Variants in FBRSL1 observed in about 807,000 individuals in gnomAD.
FBRSL1 encodes fibrosin like 1.
FBRSL1 carries 51 observed loss-of-function variants against 89.6 expected under a neutral mutation model. The observed-to-expected ratio is 0.57, with a 90% CI of 0.45 to 0.72. FBRSL1 has a LOEUF of 0.72. Among genes scored for constraint, FBRSL1 ranks in the 30% least tolerant of loss-of-function variants. The pLI is 0.00. For synonymous variants in FBRSL1, 779 were observed against 681.1 expected, an observed-to-expected ratio of 1.14 and a Z score of -2.24; for missense variants, 1,618 against 1,451.8, an observed-to-expected ratio of 1.11 and a Z score of -1.86.
At chr12:132,575,756 G>A (rs1385980667) in intron 14 of FBRSL1, among the ~76,000 whole-genome samples, 1 of 152,274 alleles carries the variant, frequency 6.6e-6, no homozygotes, top group Non-Finnish European at 1.5e-5. Flanking sequence ...CAGCCCTCAC[G>A]CCTGCCCCCA....
chr12:132,513,649 C>T (rs1452109003), intron 2 of FBRSL1, among the ~76,000 whole-genome samples: 1 of 152,158 alleles, frequency 6.6e-6, no homozygotes, highest in African/African-American at 2.4e-5. Context: ...CGTGAGCCTT[C>T]TGGGAGAGGC....
chr12:132,540,886 T>C (rs530825731), intron 4 of FBRSL1, among the ~76,000 whole-genome samples: 4 of 152,328 alleles, frequency 2.6e-5, no homozygotes, highest in East Asian at 1.9e-4. Flanking sequence ...TGAGTAGCCA[T>C]ACAGCTGAAG....
intron 1 of FBRSL1, among the ~76,000 whole-genome samples, chr12:132,496,096 C>T (rs1210736214): frequency 2.0e-5 from 3 of 152,258 alleles, no homozygotes; most frequent in Non-Finnish European, 2.9e-5. Context: ...CCTGCACCTC[C>T]GCACGTGCTG....
In FBRSL1 at chr12:132,567,576, G is replaced by A. The variant is rs370253220; in HGVS notation, c.691+50G>A. 852 of 1,523,378 alleles carry A rather than the reference G, an allele frequency of 5.6e-4. 3 individuals carry two copies. Among genetic ancestry groups the A allele is most frequent in the Non-Finnish European group, 5.0e-4 (564 of 1,122,398 alleles). The allele number at this position is 1,523,378 out of a possible 1,614,324, so 94.4% of individuals were successfully genotyped here. A position where few individuals can be genotyped will look rare whatever the true frequency, so the allele number is the denominator to read the frequency against. On this transcript the variant is annotated intron_variant, in intron 6 of 18. Transcript: ENST00000680143. The stretch of plus-strand genomic sequence containing the variant: ...TCCTGGGCCTCTGAAGAGACACAAT[G>A]CGCCCTGCGTCTTGGCGGCAGGACA...
rs571727678 is a variant in FBRSL1 at position 132,546,234 on chromosome 12, T to C, written c.616-1769T>C. ...CTCACCAAACACCAAGGCCCGCCCA[T>C]ATCACAGCAGGGGAGATGGAGGACT... On this transcript the variant is annotated intron_variant, in intron 4 of 18. Transcript: ENST00000680143. The surrounding 1 kb of genome is among the most constrained non-coding windows in gnomAD (Gnocchi z 4.0). 4.1e-4 allele frequency among the ~76,000 whole-genome samples: 62 copies of C among 152,354 alleles called. No individual in the cohort carries two copies. Among genetic ancestry groups the C allele is most frequent in the African/African-American group, 1.3e-3 (56 of 41,582 alleles).
intron 15 of FBRSL1, among the ~76,000 whole-genome samples, chr12:132,577,860 C>T (rs904655019): frequency 2.6e-5 from 4 of 152,242 alleles, no homozygotes; most frequent in Non-Finnish European, 5.9e-5. Context: ...CAGACCTTTC[C>T]AAAGATGGTG....
In FBRSL1 at chr12:132,516,865, C is replaced by T. The variant is rs139685560; in HGVS notation, c.489+8515C>T. ...GGCCTCAGTTTTCCTGTCTGTAAAA[C>T]GGGGATGTTACTAAATAGTTCATTT... is the stretch of plus-strand genomic sequence containing the variant. On this transcript the variant is annotated intron_variant, in intron 2 of 18. Transcript: ENST00000680143. Among the ~76,000 whole-genome samples, 688 of 152,286 alleles carry T rather than the reference C, an allele frequency of 4.5e-3. 10 individuals carry two copies. Among genetic ancestry groups the T allele is most frequent in the African/African-American group, 0.015 (618 of 41,548 alleles).
intron 5 of FBRSL1, among the ~76,000 whole-genome samples, chr12:132,567,050 G>A (rs1180550483): frequency 1.3e-5 from 2 of 152,220 alleles, no homozygotes; most frequent in African/African-American, 4.8e-5. Context: ...GGGAGCAGGA[G>A]GTGTGTCCCG....
At chr12:132,559,130 C>T (rs919825900) in intron 5 of FBRSL1, among the ~76,000 whole-genome samples, 1 of 152,208 alleles carries the variant, frequency 6.6e-6, no homozygotes, top group African/African-American at 2.4e-5. Context: ...GTTCTAGCGC[C>T]CCACCGTAAG....
intron 4 of FBRSL1, among the ~76,000 whole-genome samples, chr12:132,542,479 C>T (rs2037349960): frequency 6.6e-6 from 1 of 152,224 alleles, no homozygotes; most frequent in African/African-American, 2.4e-5. Context: ...GGGGTCAGGG[C>T]CCCCTGCCCC....
At position 132,585,054 on chromosome 12, in the gene FBRSL1, G is replaced by A. The variant is rs544381802; in HGVS notation, c.*1276G>A. ...GTCCCTGCCGGGATTCCCAGCCTTCGGGGTCAGCCGTCGAGCCACTTGCTT... is the reference window on the plus strand; with the variant it reads ...GTCCCTGCCGGGATTCCCAGCCTTCAGGGTCAGCCGTCGAGCCACTTGCTT... On this transcript the variant is annotated 3_prime_UTR_variant, in exon 19 of 19. Coordinates refer to ENST00000680143, the MANE Select transcript of FBRSL1 (RefSeq NM_001367871.1). The A allele has an allele frequency of 6.6e-6, 1 of 151,964 alleles. No individual in the cohort carries two copies. The highest frequency in any genetic ancestry group is 2.4e-5 in the African/African-American group (1 of 41,348). 9.4% of individuals were successfully genotyped at this position (151,964 alleles called of 1,614,324 possible).
At position 132,490,616 on chromosome 12, in the gene FBRSL1, G is replaced by T; in HGVS notation, c.46G>T (p.Asp16Tyr). 2.0e-6 allele frequency: 2 copies of T among 983,486 alleles called. No individual in the cohort carries two copies. The highest frequency in any genetic ancestry group is 9.0e-5 in the South Asian group (2 of 22,118). The allele number at this position is 983,486 out of a possible 1,614,324, so 60.9% of individuals were successfully genotyped here. A position where few individuals can be genotyped will look rare whatever the true frequency, so the allele number is the denominator to read the frequency against. Residue 16 changes from aspartate to tyrosine, a missense_variant, in exon 1 of 19, where the codon GAC (aspartate) becomes TAC (tyrosine). Coordinates refer to ENST00000680143, the MANE Select transcript of FBRSL1 (RefSeq NM_001367871.1). ...GAGCCGGCGCTCGCGCGCGCAGCGG[G>T]ACCGTGGCCGGCGCCGGGAGGCCGC... ...RPSRRSRAQRDRGRRREAARD... is the reference protein window; with the variant it reads ...RPSRRSRAQRYRGRRREAARD...
At chr12:132,509,379 C>T in intron 2 of FBRSL1, 21 of 1,243,348 alleles carry the variant, frequency 1.7e-5, no homozygotes, top group Non-Finnish European at 2.1e-5. Flanking sequence ...ACTTCTGGGC[C>T]TGAAACAGCC....
At chr12:132,500,252 G>A (rs964325964) in intron 1 of FBRSL1, among the ~76,000 whole-genome samples, 4 of 152,144 alleles carry the variant, frequency 2.6e-5, no homozygotes, top group East Asian at 1.9e-4. Context: ...CCTGGCTGGC[G>A]GCTTTAGGGA....
intron 12 of FBRSL1, 76 bp from the exon 13 acceptor site, chr12:132,574,243 G>A (rs1166443034): frequency 5.0e-5 from 72 of 1,449,224 alleles, no homozygotes; most frequent in Admixed American, 8.3e-5. Context: ...CACAGCAGAC[G>A]GGCTGTGTCC....
rs936589449 is a variant in FBRSL1 at position 132,583,643 on chromosome 12, C to G, written c.2874C>G (p.Pro958=). 4.5e-5 allele frequency: 46 copies of G among 1,014,878 alleles called. No individual in the cohort carries two copies. The highest frequency in any genetic ancestry group is 3.5e-4 in the East Asian group (4 of 11,522). The allele number at this position is 1,014,878 out of a possible 1,614,324, so 62.9% of individuals were successfully genotyped here. A position where few individuals can be genotyped will look rare whatever the true frequency, so the allele number is the denominator to read the frequency against. The change falls in exon 19 of 19, where the codon CCC becomes CCG. Residue 958 remains proline (P), a synonymous_variant. Coordinates refer to ENST00000680143, the MANE Select transcript of FBRSL1 (RefSeq NM_001367871.1). ...PAAAALGAPP[P]LVTAAGPPTP... ...CCGCCGCCCTCGGCGCACCGCCCCC[C>G]CTGGTGACGGCGGCCGGGCCCCCCA...
At chr12:132,525,496 T>C (rs2035716046) in intron 2 of FBRSL1, among the ~76,000 whole-genome samples, 1 of 152,172 alleles carries the variant, frequency 6.6e-6, no homozygotes, top group Non-Finnish European at 1.5e-5. Flanking sequence ...GTGTGTGCGC[T>C]GTCAGCTGGG....
Position 132,570,128 on chromosome 12 carries a change from C to A in FBRSL1, c.894C>A (p.Thr298=). The A allele has an allele frequency of 6.8e-7, 1 of 1,478,168 alleles. No individual in the cohort carries two copies. Among genetic ancestry groups the A allele is most frequent in the Non-Finnish European group, 8.9e-7 (1 of 1,123,448 alleles). 91.6% of individuals were successfully genotyped at this position (1,478,168 alleles called of 1,614,324 possible). The change falls in exon 7 of 19, where the codon ACC becomes ACA. Residue 298 remains threonine, a synonymous_variant. Coordinates refer to ENST00000680143, the MANE Select transcript of FBRSL1 (RefSeq NM_001367871.1). ...AACCCCCCGCCCCGCACCGCCACAC[C>A]CCGCAGCCGCCACCCCCGCAGCCCC... is the stretch of plus-strand genomic sequence containing the variant. ...KKEPPAPHRH[T]PQPPPPQPRG... is the part of the protein sequence containing the mutation.
At chr12:132,581,333 G>A (rs2040733348) in intron 15 of FBRSL1, 106 bp from the exon 16 acceptor site, 7 of 1,543,362 alleles carry the variant, frequency 4.5e-6, no homozygotes, top group African/African-American at 1.4e-5. Context: ...AGAATGGGAG[G>A]TGAAGGTTCA....
Sources: gnomAD v4.1 joint callset for allele counts (sites outside exome capture counted in the v4.1 genomes callset) on GRCh38, gnomAD v4.1.1 for gene constraint, Gnocchi (gnomAD v3.1) non-coding constraint, MANE v1.5 for transcripts, NCBI Gene and HGNC (gene_info 2026-07-23, HGNC 2026-07-21) for gene names.